Variants in GLIS3 observed in about 807,000 individuals in gnomAD.
The protein encoded by GLIS3 is GLIS family zinc finger 3.
A neutral mutation model predicts 78.6 loss-of-function variants in GLIS3; 53 were observed. That is an observed-to-expected ratio of 0.67 (90% CI 0.54 to 0.85). The LOEUF (loss-of-function observed/expected upper bound fraction) is 0.85. GLIS3 is among the 40% of genes least tolerant of loss of function. The pLI is 0.00. For synonymous variants in GLIS3, 684 were observed against 509.9 expected, an observed-to-expected ratio of 1.34 and a Z score of -4.60; for missense variants, 1,703 against 1,231.1, an observed-to-expected ratio of 1.38 and a Z score of -5.74.
intron 6 of GLIS3, among the ~76,000 whole-genome samples, chr9:3,925,601 G>GCA (rs1267360982): frequency 2.7e-5 from 4 of 145,644 alleles, no homozygotes; most frequent in Non-Finnish European, 6.3e-5. Context: ...GTGTGCGTGT[G>GCA]CGCGCGTGTG....
the GLIS3 span, among the ~76,000 whole-genome samples, chr9:4,388,134 C>T: frequency 3.9e-5 from 6 of 152,308 alleles, no homozygotes; most frequent in Admixed American, 6.5e-5. Flanking sequence ...TAAGGTTATC[C>T]ATGCGTAAGA....
At chr9:4,298,154 G>A (rs985674659) in intron 1 of GLIS3, among the ~76,000 whole-genome samples, 4 of 152,198 alleles carry the variant, frequency 2.6e-5, no homozygotes, top group African/African-American at 7.2e-5. Flanking sequence ...CGGCTGGGAA[G>A]CCCGGGCGCC....
the GLIS3 span, among the ~76,000 whole-genome samples, chr9:4,371,442 G>A: frequency 6.6e-6 from 1 of 152,166 alleles, no homozygotes; most frequent in African/African-American, 2.4e-5. Context: ...ACTTCTGTAT[G>A]TGGCCTGTGT....
chr9:4,384,749 T>A, the GLIS3 span, among the ~76,000 whole-genome samples: 1 of 152,132 alleles, frequency 6.6e-6, no homozygotes, highest in Admixed American at 6.6e-5. Context: ...AGCTGGTTAA[T>A]ATCCAGAGTC....
At chr9:4,313,123 C>G (rs1465506631) in intron 2 of GLIS3, among the ~76,000 whole-genome samples, 1 of 152,204 alleles carries the variant, frequency 6.6e-6, no homozygotes, top group Non-Finnish European at 1.5e-5. Flanking sequence ...TAACAGTACT[C>G]TTTTGTTGAT....
the GLIS3 span, among the ~76,000 whole-genome samples, chr9:4,458,641 A>G: frequency 3.9e-5 from 6 of 152,246 alleles, no homozygotes; most frequent in South Asian, 6.2e-4. Flanking sequence ...TACAAAAATT[A>G]GCTGGGCATG....
intron 4 of GLIS3, among the ~76,000 whole-genome samples, chr9:4,022,922 G>T (rs1173236503): frequency 6.6e-6 from 1 of 152,136 alleles, no homozygotes; most frequent in Admixed American, 6.5e-5. Flanking sequence ...GCTGAAAGAA[G>T]ACTGGATAAA....
intron 1 of GLIS3, among the ~76,000 whole-genome samples, chr9:4,293,921 C>T (rs1169906588): frequency 6.6e-6 from 1 of 152,226 alleles, no homozygotes; most frequent in Non-Finnish European, 1.5e-5. Context: ...CTCAAGTCTG[C>T]CCTCAGCTAC....
chr9:4,145,088 A>C (rs1030171505), intron 2 of GLIS3: 2 of 152,234 alleles, frequency 1.3e-5, no homozygotes, highest in East Asian at 3.9e-4. Flanking sequence ...AAGGTAAGGC[A>C]GATGCTCCCA....
chr9:4,053,705 T>TAAAAAAAAAAAAAAAAAAAAAAAAAAAA (rs760535978), intron 4 of GLIS3, among the ~76,000 whole-genome samples: 8 of 91,122 alleles, frequency 8.8e-5, no homozygotes, highest in African/African-American at 2.5e-4. Context: ...TCTTTCTTCA[T>TAAAAAAAAAAAAAAAAAAAAAAAAAAAA]AAAAAAAAAA....
the GLIS3 span, among the ~76,000 whole-genome samples, chr9:4,423,647 A>G: frequency 6.6e-6 from 1 of 152,252 alleles, no homozygotes; most frequent in South Asian, 2.1e-4. Flanking sequence ...TCACAAGGTC[A>G]CAGAACGTTC....
intron 2 of GLIS3, among the ~76,000 whole-genome samples, chr9:4,240,126 G>C (rs7035478): frequency 3.4e-5 from 5 of 148,648 alleles, no homozygotes; most frequent in African/African-American, 1.2e-4. Context: ...CTAAAGCAGC[G>C]GTCTCCAACC....
Position 4,286,307 on chromosome 9 carries a change from G to T in GLIS3, c.119C>A (p.Pro40His). ...AIRAHSGTPG[P>H]SPCGSTSSPT... ...ACTCGATGTGCTGCCACAGGGCGAG[G>T]GGCCAGGAGTCCCGGAGTGGGCTCG... The change falls in exon 2 of 11, where the codon CCC (proline) becomes CAC (histidine). Residue 40 changes from proline (P) to histidine (H), a missense_variant. By Grantham distance (77) the Pro-to-His change is moderately conservative (BLOSUM62 -2). Transcript: ENST00000381971. The T allele has an allele frequency of 6.2e-7, 1 of 1,614,208 alleles. No individual in the cohort carries two copies. The highest frequency in any genetic ancestry group is 2.2e-5 in the East Asian group (1 of 44,884).
the GLIS3 span, among the ~76,000 whole-genome samples, chr9:4,366,605 C>A: frequency 7.9e-5 from 12 of 152,208 alleles, no homozygotes; most frequent in Non-Finnish European, 1.6e-4. Context: ...TCTGGAGGAA[C>A]ACAAACGTTT....
At chr9:4,343,940 A>T (rs1215712761) in intron 2 of GLIS3, among the ~76,000 whole-genome samples, 2 of 152,178 alleles carry the variant, frequency 1.3e-5, no homozygotes, top group African/African-American at 4.8e-5. Flanking sequence ...GAGGAGGGTG[A>T]GGACTGAAAA....
At chr9:3,860,795 T>G (rs943191551) in intron 8 of GLIS3, among the ~76,000 whole-genome samples, 1 of 152,212 alleles carries the variant, frequency 6.6e-6, no homozygotes, top group African/African-American at 2.4e-5. Flanking sequence ...ATGGTGACAT[T>G]TATTCATTCA....
chr9:4,336,117 T>G (rs1332103945), intron 2 of GLIS3, among the ~76,000 whole-genome samples: 3 of 152,160 alleles, frequency 2.0e-5, no homozygotes, highest in Non-Finnish European at 4.4e-5. Context: ...GATATTAAAG[T>G]AGGGTCACAA....
At chr9:4,298,777 G>A (rs990022411) in intron 1 of GLIS3, among the ~76,000 whole-genome samples, 1 of 152,114 alleles carries the variant, frequency 6.6e-6, no homozygotes, top group African/African-American at 2.4e-5. Flanking sequence ...TTCCAGACCT[G>A]GCGGCTGCGG....
chr9:4,201,107 A>T (rs1477268460), intron 2 of GLIS3, among the ~76,000 whole-genome samples: 1 of 152,238 alleles, frequency 6.6e-6, no homozygotes, highest in Non-Finnish European at 1.5e-5. Flanking sequence ...CAATAGATGC[A>T]GAAAAAGCTT....
Sources: allele counts gnomAD v4.1 joint callset (sites outside exome capture counted in the v4.1 genomes callset), GRCh38; gene constraint gnomAD v4.1.1; transcripts MANE v1.5; gene names NCBI Gene and HGNC (gene_info 2026-07-23, HGNC 2026-07-21).